The following IQCM variants were observed in gnomAD, a reference collection of about 807,000 sequenced individuals.
IQCM encodes the protein IQ domain-containing protein M.
IQCM carries 45 observed loss-of-function variants against 57.6 expected under a neutral mutation model. That is an observed-to-expected ratio of 0.78 (90% CI 0.62 to 1.00). The LOEUF (loss-of-function observed/expected upper bound fraction) is 1.00. IQCM is among the 50% of genes least tolerant of loss of function. The probability of loss-of-function intolerance (pLI) is 0.00; values close to 1 mark genes in which losing one functional copy is unlikely to be tolerated. For synonymous variants in IQCM, 148 were observed against 158.9 expected, an observed-to-expected ratio of 0.93 and a Z score of 0.51; for missense variants, 468 against 511.6, an observed-to-expected ratio of 0.91 and a Z score of 0.82.
At chr4:149,558,142 A>G (rs1749765048) in intron 10 of IQCM, among the ~76,000 whole-genome samples, 1 of 152,158 alleles carries the variant, frequency 6.6e-6, no homozygotes, top group Non-Finnish European at 1.5e-5. Flanking sequence ...CTTCCCCTTG[A>G]ACACCAACCA....
chr4:149,748,145 G>A (rs2149926236), intron 2 of IQCM, among the ~76,000 whole-genome samples: 1 of 152,298 alleles, frequency 6.6e-6, no homozygotes, highest in Admixed American at 6.5e-5. Flanking sequence ...TGGCTGCTCT[G>A]ACTGAAGAGG....
chr4:149,739,019 T>G (rs1332047954), intron 3 of IQCM, among the ~76,000 whole-genome samples: 1 of 152,176 alleles, frequency 6.6e-6, no homozygotes, highest in Non-Finnish European at 1.5e-5. Context: ...TCTTTGAGGC[T>G]TCTCTTTTCT....
chr4:149,682,202 T>C lies in IQCM; in HGVS notation c.481A>G (p.Arg161Gly). The C allele has an allele frequency of 8.3e-7, 1 of 1,211,488 alleles. No homozygotes were observed. The highest frequency in any genetic ancestry group is 1.0e-6 in the Non-Finnish European group (1 of 969,736). The allele number at this position is 1,211,488 out of a possible 1,614,324, so 75.0% of individuals were successfully genotyped here. ...KQQHFEESRN[R>G]MLELLYPFPV... ...AAGGGATAGAGTAATTCCAACATTC[T>C]GTTTCTGAAACATTAAGTTGGATCT... is the stretch of plus-strand genomic sequence containing the variant. Residue 161 changes from arginine to glycine, a missense_variant, in exon 7 of 14, where the codon AGA (arginine) becomes GGA (glycine). Coordinates refer to ENST00000636793, the MANE Select transcript of IQCM (RefSeq NM_001363507.2).
At chr4:149,489,056 T>C (rs1358156267) in intron 12 of IQCM, among the ~76,000 whole-genome samples, 1 of 152,130 alleles carries the variant, frequency 6.6e-6, no homozygotes, top group Non-Finnish European at 1.5e-5. Context: ...CAAAGTCATT[T>C]GGAACGGAGA....
At chr4:149,644,607 T>C (rs1451986284) in intron 7 of IQCM, among the ~76,000 whole-genome samples, 1 of 152,190 alleles carries the variant, frequency 6.6e-6, no homozygotes, top group African/African-American at 2.4e-5. Flanking sequence ...TGTTACCAGT[T>C]TGAGGTTATT....
At chr4:149,783,407 AC>A (rs753310764) in intron 2 of IQCM, among the ~76,000 whole-genome samples, 84 of 151,926 alleles carry the variant, frequency 5.5e-4, no homozygotes, top group Non-Finnish European at 9.9e-4. Flanking sequence ...CTCCATTACC[AC>A]CCTATTTCAA....
At chr4:149,706,575 T>C (rs2149822504) in intron 5 of IQCM, among the ~76,000 whole-genome samples, 1 of 152,136 alleles carries the variant, frequency 6.6e-6, no homozygotes, top group East Asian at 1.9e-4. Context: ...AATTCTGTTA[T>C]TTTGATAGCT....
chr4:149,505,118 T>G (rs1459629931), intron 12 of IQCM, among the ~76,000 whole-genome samples: 1 of 152,084 alleles, frequency 6.6e-6, no homozygotes, highest in Non-Finnish European at 1.5e-5. Flanking sequence ...CAACCTATAG[T>G]GTTACACATG....
rs1008980501 is a variant in IQCM at position 149,351,752 on chromosome 4, G to GT, written c.*198dup. On this transcript the variant is annotated 3_prime_UTR_variant, in exon 14 of 14. Coordinates refer to ENST00000636793, the MANE Select transcript of IQCM (RefSeq NM_001363507.2). ...TTTACTTCATTATGATAAAAGAGAT[G>GT]TTTTTTATGAAGGAGATCAAATGAA... Among the ~76,000 whole-genome samples, 2 of 152,018 alleles carry GT rather than the reference G, an allele frequency of 1.3e-5. No individual in the cohort carries two copies. The highest frequency in any genetic ancestry group is 2.9e-5 in the Non-Finnish European group (2 of 68,000).
chr4:149,567,553 G>A (rs1283707466), intron 9 of IQCM, among the ~76,000 whole-genome samples: 2 of 151,842 alleles, frequency 1.3e-5, no homozygotes, highest in Admixed American at 1.3e-4. Flanking sequence ...TTGCTATGCT[G>A]GCCAGGTGGG....
chr4:149,542,910 AT>A (rs570499107), intron 12 of IQCM, among the ~76,000 whole-genome samples: 15 of 152,254 alleles, frequency 9.9e-5, no homozygotes, highest in African/African-American at 3.6e-4. Flanking sequence ...TATAGAAGGA[AT>A]AAATAACTTG....
chr4:149,568,773 A>G (rs1350043899), intron 9 of IQCM, among the ~76,000 whole-genome samples: 1 of 152,140 alleles, frequency 6.6e-6, no homozygotes, highest in African/African-American at 2.4e-5. Context: ...ATGGGACCCT[A>G]TCTCAAAATA....
chr4:149,758,310 A>G (rs1769181157), intron 2 of IQCM, among the ~76,000 whole-genome samples: 1 of 152,076 alleles, frequency 6.6e-6, no homozygotes, highest in African/African-American at 2.4e-5. Context: ...CAAACCTTAC[A>G]CTCTTCTCAA....
rs905925627 is a variant in IQCM at position 149,648,897 on chromosome 4, T to TA, written c.566-27654dup. Among the ~76,000 whole-genome samples the TA allele has an allele frequency of 1.7e-4, 26 of 148,602 alleles. No homozygotes were observed. The East Asian group carries it at 2.0e-3, about 11-fold the overall frequency. On this transcript the variant is annotated intron_variant, in intron 7 of 13. Transcript: ENST00000636793. Reference sequence around the variant, plus strand: ...ATGTACCCTAAAACTTAAAGTATAATAAAAAAAAGAAAAAAAAGAATACAA... The same window carrying TA: ...ATGTACCCTAAAACTTAAAGTATAATAAAAAAAAAGAAAAAAAAGAATACAA...
Position 149,481,141 on chromosome 4 carries a change from ATATTT to A in IQCM, c.1229-47589_1229-47585del, listed in dbSNP as rs1740732907. The stretch of plus-strand genomic sequence containing the variant: ...CTAGACAGTTGTTTGAACACCTTCT[ATATTT>A]TGGTTATTAATCCCTTGTCAGGTGG... On this transcript the variant is annotated intron_variant, in intron 12 of 13. Transcript: ENST00000636793. 7.2e-5 allele frequency among the ~76,000 whole-genome samples: 11 copies of A among 152,186 alleles called. No individual in the cohort carries two copies. In the South Asian group the frequency reaches 2.3e-3, roughly 32 times the overall value.
intron 12 of IQCM, among the ~76,000 whole-genome samples, chr4:149,476,293 T>A (rs1421767987): frequency 2.0e-5 from 3 of 152,182 alleles, no homozygotes; most frequent in Non-Finnish European, 4.4e-5. Context: ...CCTACTTGTC[T>A]TCTGGCAGAA....
chr4:149,699,280 C>G (rs1202685934), intron 5 of IQCM, among the ~76,000 whole-genome samples: 2 of 151,992 alleles, frequency 1.3e-5, no homozygotes, highest in East Asian at 3.9e-4. Context: ...CAAGTCTTTG[C>G]CAAATTAGAT....
chr4:149,621,982 A>AT (rs1157365490), intron 7 of IQCM, among the ~76,000 whole-genome samples: 2 of 152,126 alleles, frequency 1.3e-5, no homozygotes, highest in Non-Finnish European at 2.9e-5. Context: ...ATGTGTATCT[A>AT]TGTAGTCTTT....
At chr4:149,525,619 A>C (rs1428878617) in intron 12 of IQCM, among the ~76,000 whole-genome samples, 1 of 151,924 alleles carries the variant, frequency 6.6e-6, no homozygotes, top group Non-Finnish European at 1.5e-5. Flanking sequence ...CCACCTTCAG[A>C]TATAAGTTCC....
Sources: allele counts gnomAD v4.1 joint callset (sites outside exome capture counted in the v4.1 genomes callset), GRCh38; gene constraint gnomAD v4.1.1; transcripts MANE v1.5; gene names NCBI Gene and HGNC (gene_info 2026-07-23, HGNC 2026-07-21).